Variants in LRRC4C observed in about 807,000 individuals in gnomAD.
LRRC4C encodes leucine-rich repeat-containing protein 4C.
A neutral mutation model predicts 33.6 loss-of-function variants in LRRC4C; 5 were observed. The observed-to-expected ratio is 0.15, with a 90% CI of 0.08 to 0.31. The LOEUF is 0.31. Among genes scored for constraint, LRRC4C ranks in the 10% least tolerant of loss-of-function variants. LRRC4C has a pLI of 1.00. For synonymous variants in LRRC4C, 329 were observed against 302.0 expected (o/e 1.09, Z -0.93); for missense variants, 560 against 796.7 (o/e 0.70, Z 3.58).
At chr11:41,403,024 G>A (rs1954083913) in intron 1 of LRRC4C, among the ~76,000 whole-genome samples, 1 of 152,028 alleles carries the variant, frequency 6.6e-6, no homozygotes, top group African/African-American at 2.4e-5. Flanking sequence ...GTGTTCAACA[G>A]CAAAGAACAG....
At chr11:40,293,290 C>CT (rs1212777989) in intron 4 of LRRC4C, 9,200 of 146,786 alleles carry the variant, frequency 0.063, 352 homozygotes, top group African/African-American at 0.067. Context: ...CCCCCCGCTA[C>CT]TTTTTTTTTT....
chr11:41,052,105 C>T (rs1034364807), intron 1 of LRRC4C, among the ~76,000 whole-genome samples: 2 of 152,104 alleles, frequency 1.3e-5, no homozygotes, highest in African/African-American at 4.8e-5. Context: ...AAACATAATA[C>T]CTGAGCACCT....
chr11:40,528,672 A>G (rs889489399), intron 3 of LRRC4C, among the ~76,000 whole-genome samples: 8 of 152,200 alleles, frequency 5.3e-5, no homozygotes, highest in African/African-American at 1.4e-4. Context: ...AAGAATCTCA[A>G]AAAAGATATC....
intron 1 of LRRC4C, among the ~76,000 whole-genome samples, chr11:41,090,866 A>AAAC (rs1940365716): frequency 6.6e-6 from 1 of 152,138 alleles, no homozygotes; most frequent in African/African-American, 2.4e-5. Context: ...TCATGATTGT[A>AAAC]AGTTTCCTGA....
intron 3 of LRRC4C, among the ~76,000 whole-genome samples, chr11:40,587,926 T>C (rs1483034762): frequency 6.6e-6 from 1 of 152,204 alleles, no homozygotes; most frequent in Non-Finnish European, 1.5e-5. Flanking sequence ...GGGATATTGG[T>C]CTAAAATTCT....
chr11:41,348,376 C>A (rs1418479857), intron 1 of LRRC4C, among the ~76,000 whole-genome samples: 2 of 118,178 alleles, frequency 1.7e-5, no homozygotes, highest in Non-Finnish European at 3.4e-5. Flanking sequence ...GTAAGGAGCT[C>A]TGCATTTAAA....
At position 40,114,249 on chromosome 11, in the gene LRRC4C, C is replaced by CT. The variant is rs1392126466; in HGVS notation, c.*120dup. On this transcript the variant is annotated 3_prime_UTR_variant, in exon 7 of 7. Coordinates refer to ENST00000528697, the MANE Select transcript of LRRC4C (RefSeq NM_001258419.2). Reference sequence around the variant, plus strand: ...AATTTTTAATAAATAAATTTCTTTTCTTTTTTGTTTTTTTGTAAAGACACT... The same window carrying CT: ...AATTTTTAATAAATAAATTTCTTTTCTTTTTTTGTTTTTTTGTAAAGACACT... The CT allele has an allele frequency of 7.1e-6, 8 of 1,118,966 alleles. No homozygotes were observed. Among genetic ancestry groups the CT allele is most frequent in the Non-Finnish European group, 4.9e-6 (4 of 821,672 alleles). 69.3% of individuals were successfully genotyped at this position (1,118,966 alleles called of 1,614,324 possible).
intron 3 of LRRC4C, among the ~76,000 whole-genome samples, chr11:40,543,103 A>G (rs1385873035): frequency 6.6e-6 from 1 of 152,122 alleles, no homozygotes; most frequent in Non-Finnish European, 1.5e-5. Context: ...ATCTGAAAGT[A>G]TCATCTTAAT....
At chr11:40,959,813 C>T (rs992440961) in intron 1 of LRRC4C, among the ~76,000 whole-genome samples, 3 of 151,640 alleles carry the variant, frequency 2.0e-5, no homozygotes, top group Admixed American at 6.6e-5. Flanking sequence ...TTAATGGCAT[C>T]GCAGTCAGTT....
intron 3 of LRRC4C, among the ~76,000 whole-genome samples, chr11:40,392,497 C>A (rs1185034564): frequency 6.6e-6 from 1 of 151,842 alleles, no homozygotes; most frequent in Non-Finnish European, 1.5e-5. Context: ...AAAATAATGT[C>A]TATTAATTTT....
rs142573486 is a variant in LRRC4C at position 40,149,790 on chromosome 11, A to G, written c.-95-8937T>C. ...GAGAATAGCTAACATAAAGTCTTCA[A>G]TTTTTAAGGAGAATGTTGTACTTAA... On this transcript the variant is annotated intron_variant, in intron 5 of 6. Coordinates refer to ENST00000528697, the MANE Select transcript of LRRC4C (RefSeq NM_001258419.2). 4.5e-4 allele frequency among the ~76,000 whole-genome samples: 68 copies of G among 152,326 alleles called. No homozygotes were observed. In the Middle Eastern group the frequency reaches 0.017, roughly 38 times the overall value.
chr11:41,115,654 C>T (rs1942078284), intron 1 of LRRC4C, among the ~76,000 whole-genome samples: 2 of 151,932 alleles, frequency 1.3e-5, no homozygotes, highest in Admixed American at 1.3e-4. Flanking sequence ...TAATATTCTG[C>T]CTCTAATTCA....
chr11:40,748,290 G>A (rs989045645), intron 2 of LRRC4C, among the ~76,000 whole-genome samples: 1 of 152,036 alleles, frequency 6.6e-6, no homozygotes, highest in African/African-American at 2.4e-5. Context: ...ACTTCCAGCT[G>A]AGCACACTAT....
chr11:41,325,677 CAACAACAACAACAACAACAACAACAA>C (rs1336912334), intron 1 of LRRC4C, among the ~76,000 whole-genome samples: 1 of 143,490 alleles, frequency 7.0e-6, no homozygotes, highest in Admixed American at 7.1e-5. Context: ...ACTGCAAAAA[CAACAACAACAACAACAACAACAACAA>C]AACAACAACA....
At chr11:40,755,735 G>A (rs1171288745) in intron 2 of LRRC4C, among the ~76,000 whole-genome samples, 1 of 152,034 alleles carries the variant, frequency 6.6e-6, no homozygotes, top group Admixed American at 6.6e-5. Context: ...TACATTGAGA[G>A]AGCAGTTGTG....
chr11:40,842,354 G>A (rs938774500), intron 2 of LRRC4C, among the ~76,000 whole-genome samples: 1 of 152,094 alleles, frequency 6.6e-6, no homozygotes, highest in Non-Finnish European at 1.5e-5. Flanking sequence ...AGAAGGCCCA[G>A]TGATCTTCAG....
At chr11:40,996,830 A>C (rs1854011766) in intron 1 of LRRC4C, among the ~76,000 whole-genome samples, 1 of 152,094 alleles carries the variant, frequency 6.6e-6, no homozygotes, top group South Asian at 2.1e-4. Context: ...CTCATAAACT[A>C]ATAGAGCAAT....
intron 3 of LRRC4C, among the ~76,000 whole-genome samples, chr11:40,601,700 T>G (rs1019122528): frequency 1.3e-5 from 2 of 152,232 alleles, no homozygotes; most frequent in African/African-American, 2.4e-5. Flanking sequence ...CTTGAATATT[T>G]TCTCATGAGT....
chr11:40,317,675 T>C (rs984109151), intron 4 of LRRC4C, among the ~76,000 whole-genome samples: 1 of 152,156 alleles, frequency 6.6e-6, no homozygotes, highest in Non-Finnish European at 1.5e-5. Flanking sequence ...CCTTCTCAAT[T>C]ACTATATTAA....
Sources: gnomAD v4.1 joint callset for allele counts (sites outside exome capture counted in the v4.1 genomes callset) on GRCh38, gnomAD v4.1.1 for gene constraint, MANE v1.5 for transcripts, NCBI Gene and HGNC (gene_info 2026-07-23, HGNC 2026-07-21) for gene names.